Variants in FNBP1L observed in about 807,000 individuals in gnomAD.
FNBP1L encodes formin binding protein 1 like.
In FNBP1L, 36 loss-of-function variants were observed where a neutral mutation model predicts 91.2. The observed-to-expected ratio is 0.39, with a 90% CI of 0.30 to 0.52. The LOEUF (loss-of-function observed/expected upper bound fraction) is 0.52. Among genes scored for constraint, FNBP1L ranks in the 20% least tolerant of loss-of-function variants. FNBP1L has a pLI of 0.66. For synonymous variants in FNBP1L, 242 were observed against 237.0 expected, an observed-to-expected ratio of 1.02 and a Z score of -0.19; for missense variants, 571 against 732.1, an observed-to-expected ratio of 0.78 and a Z score of 2.54.
chr1:93,480,129 G>A (rs1449835620), intron 1 of FNBP1L, among the ~76,000 whole-genome samples: 1 of 152,130 alleles, frequency 6.6e-6, no homozygotes, highest in Non-Finnish European at 1.5e-5. Context: ...CCCTCTGTTA[G>A]GGGTCCCTGA....
chr1:93,461,857 C>A (rs1044640906), intron 1 of FNBP1L, among the ~76,000 whole-genome samples: 1 of 152,160 alleles, frequency 6.6e-6, no homozygotes, highest in African/African-American at 2.4e-5. Flanking sequence ...AGTAACTGAT[C>A]TGACATTTTA....
At chr1:93,525,113 A>T (rs1181794706) in intron 5 of FNBP1L, among the ~76,000 whole-genome samples, 1 of 151,618 alleles carries the variant, frequency 6.6e-6, no homozygotes, top group East Asian at 1.9e-4. Context: ...GTAGTATAAG[A>T]TACTCTTTTT....
chr1:93,494,306 T>C (rs1394475570), intron 1 of FNBP1L, among the ~76,000 whole-genome samples: 1 of 152,226 alleles, frequency 6.6e-6, no homozygotes, highest in Admixed American at 6.5e-5. Context: ...TGATCTTCTG[T>C]TCCTGTGGAG....
chr1:93,491,843 C>T (rs1207100393), intron 1 of FNBP1L, among the ~76,000 whole-genome samples: 5 of 152,100 alleles, frequency 3.3e-5, no homozygotes, highest in Non-Finnish European at 7.4e-5. Context: ...AGTTTTAAAT[C>T]AACATTAACA....
At chr1:93,515,927 AAG>A (rs1480353954) in intron 2 of FNBP1L, among the ~76,000 whole-genome samples, 3 of 152,186 alleles carry the variant, frequency 2.0e-5, no homozygotes, top group South Asian at 2.1e-4. Flanking sequence ...TAATAATAAA[AAG>A]AGATTTTAAA....
Position 93,534,829 on chromosome 1 carries a change from A to G in FNBP1L, c.911A>G (p.Gln304Arg), listed in dbSNP as rs201882774. Residue 304 changes from glutamine (Q) to arginine (R), a missense_variant, in exon 9 of 17, where the codon CAG (glutamine) becomes CGG (arginine). Gln to Arg is a conservative substitution (Grantham distance 43). Coordinates refer to ENST00000271234, the MANE Select transcript of FNBP1L (RefSeq NM_001164473.3). Reference sequence around the variant, plus strand: ...GATGGGACTATCAGTGCATCCAAACAGGAGAGTGGGAAGATGGATGCCAAA... The same window carrying G: ...GATGGGACTATCAGTGCATCCAAACGGGAGAGTGGGAAGATGGATGCCAAA... ...ISDGTISASKQESGKMDAKTT... is the reference protein window; with the variant it reads ...ISDGTISASKRESGKMDAKTT... The G allele has an allele frequency of 4.7e-5, 74 of 1,578,476 alleles. No homozygotes were observed. Among genetic ancestry groups the G allele is most frequent in the Admixed American group, 1.6e-4 (9 of 54,988 alleles).
At chr1:93,466,467 C>T (rs980122512) in intron 1 of FNBP1L, among the ~76,000 whole-genome samples, 2 of 152,034 alleles carry the variant, frequency 1.3e-5, no homozygotes, top group African/African-American at 4.8e-5. Flanking sequence ...GAATCCTTTC[C>T]CCATTTCTTG....
At chr1:93,474,968 G>A (rs1412893361) in intron 1 of FNBP1L, among the ~76,000 whole-genome samples, 1 of 152,090 alleles carries the variant, frequency 6.6e-6, no homozygotes. Flanking sequence ...GATAACAGTA[G>A]CACTGTGTCA....
intron 10 of FNBP1L, 22 bp from the exon 11 acceptor site, chr1:93,541,020 T>C: frequency 6.5e-7 from 1 of 1,535,694 alleles, no homozygotes; most frequent in Non-Finnish European, 8.7e-7. Context: ...CATTTCTTTC[T>C]GTTTTCCATT....
chr1:93,529,078 C>T (rs919535101), intron 5 of FNBP1L, among the ~76,000 whole-genome samples: 9 of 151,882 alleles, frequency 5.9e-5, no homozygotes, highest in Non-Finnish European at 1.2e-4. Context: ...TTTGGAGGGA[C>T]GCTCCATATA....
intron 11 of FNBP1L, among the ~76,000 whole-genome samples, chr1:93,541,543 T>C (rs1385737383): frequency 8.0e-6 from 1 of 125,654 alleles, no homozygotes. Flanking sequence ...TGAAGGAGAA[T>C]AGAAACACAA....
chr1:93,467,549 G>A (rs1172297812), intron 1 of FNBP1L, among the ~76,000 whole-genome samples: 1 of 152,092 alleles, frequency 6.6e-6, no homozygotes, highest in Non-Finnish European at 1.5e-5. Flanking sequence ...AAAGAATTCT[G>A]GAGATGGTTG....
intron 2 of FNBP1L, among the ~76,000 whole-genome samples, chr1:93,504,605 C>T (rs998607181): frequency 2.0e-5 from 3 of 152,150 alleles, no homozygotes; most frequent in Admixed American, 6.5e-5. Flanking sequence ...AAAGATTTTG[C>T]ATTCTCACCA....
chr1:93,520,521 A>G (rs1173106486), intron 2 of FNBP1L, among the ~76,000 whole-genome samples: 1 of 152,204 alleles, frequency 6.6e-6, no homozygotes, highest in Non-Finnish European at 1.5e-5. Flanking sequence ...TATTAGATTC[A>G]AAAGAAATAC....
intron 11 of FNBP1L, among the ~76,000 whole-genome samples, chr1:93,542,112 CAT>C (rs919183880): frequency 6.6e-6 from 1 of 151,574 alleles, no homozygotes; most frequent in African/African-American, 2.4e-5. Flanking sequence ...TTATTTTTGG[CAT>C]ATATATATAC....
intron 1 of FNBP1L, among the ~76,000 whole-genome samples, chr1:93,486,905 T>C (rs1279738434): frequency 6.6e-6 from 1 of 152,230 alleles, no homozygotes; most frequent in African/African-American, 2.4e-5. Flanking sequence ...ATTTCTTTTA[T>C]CTTAAAAACC....
At chr1:93,482,868 A>AT (rs1669758867) in intron 1 of FNBP1L, among the ~76,000 whole-genome samples, 1 of 151,922 alleles carries the variant, frequency 6.6e-6, no homozygotes, top group East Asian at 1.9e-4. Context: ...AAATACAAAA[A>AT]TTAGCCAGGC....
chr1:93,460,321 G>A (rs1048560931), intron 1 of FNBP1L, among the ~76,000 whole-genome samples: 1 of 152,174 alleles, frequency 6.6e-6, no homozygotes, highest in African/African-American at 2.4e-5. Flanking sequence ...GAAGCAGAGA[G>A]CAGCCTTCAC....
chr1:93,515,737 G>T (rs1671075767), intron 2 of FNBP1L, among the ~76,000 whole-genome samples: 1 of 141,330 alleles, frequency 7.1e-6, no homozygotes, highest in Non-Finnish European at 1.5e-5. Context: ...GACACAGGAA[G>T]GGGAACATCA....
Sources: allele counts gnomAD v4.1 joint callset (sites outside exome capture counted in the v4.1 genomes callset), GRCh38; gene constraint gnomAD v4.1.1; transcripts MANE v1.5; gene names NCBI Gene and HGNC (gene_info 2026-07-23, HGNC 2026-07-21).